The following DNAAF11 variants were observed in gnomAD, a reference collection of about 807,000 sequenced individuals.
DNAAF11 encodes the protein dynein axonemal assembly factor 11.
Under a neutral mutation model 60.8 loss-of-function variants are expected in DNAAF11, and 45 were observed. The ratio of observed to expected loss-of-function variants is 0.74; its 90% CI spans 0.58 to 0.95. The LOEUF (loss-of-function observed/expected upper bound fraction) is 0.95. Ranked by LOEUF, DNAAF11 falls within the 40% of genes least tolerant of loss-of-function variation. DNAAF11 has a pLI of 0.00. For missense variants in DNAAF11, 546 were observed against 546.2 expected, an observed-to-expected ratio of 1.00 and a Z score of 0.00; for synonymous variants, 191 against 183.5, an observed-to-expected ratio of 1.04 and a Z score of -0.33.
chr8:132,575,895 G>A (rs1473488337), intron 11 of DNAAF11, among the ~76,000 whole-genome samples: 1 of 152,160 alleles, frequency 6.6e-6, no homozygotes, highest in Admixed American at 6.5e-5. Context: ...GGATGGCTGG[G>A]TAAGGTAATC....
intron 4 of DNAAF11, among the ~76,000 whole-genome samples, chr8:132,635,035 C>A (rs1352726542): frequency 1.3e-5 from 2 of 152,116 alleles, no homozygotes; most frequent in Non-Finnish European, 2.9e-5. Flanking sequence ...GACAACTGAA[C>A]CCTCTGTCAC....
At chr8:132,588,576 A>G (rs1378331528) in intron 10 of DNAAF11, among the ~76,000 whole-genome samples, 1 of 152,040 alleles carries the variant, frequency 6.6e-6, no homozygotes, top group Non-Finnish European at 1.5e-5. Flanking sequence ...GTTAAAATAC[A>G]TTGAAAAAAA....
intron 3 of DNAAF11, among the ~76,000 whole-genome samples, chr8:132,644,945 G>A (rs370039114): frequency 1.2e-4 from 19 of 152,282 alleles, no homozygotes; most frequent in African/African-American, 2.2e-4. Context: ...AAACTTCTGC[G>A]GACTTAAACG....
chr8:132,619,350 A>C (rs1364372211), intron 7 of DNAAF11, among the ~76,000 whole-genome samples: 1 of 152,126 alleles, frequency 6.6e-6, no homozygotes, highest in Non-Finnish European at 1.5e-5. Flanking sequence ...CTAATGTTAG[A>C]TGACGAGTTA....
intron 1 of DNAAF11, among the ~76,000 whole-genome samples, chr8:132,673,332 G>T (rs145837406): frequency 1.3e-5 from 2 of 152,268 alleles, no homozygotes; most frequent in East Asian, 3.9e-4. Context: ...ACAAGAGAAT[G>T]CAGGTAAAGC....
chr8:132,671,288 G>A (rs1825167877), intron 1 of DNAAF11, among the ~76,000 whole-genome samples: 1 of 152,048 alleles, frequency 6.6e-6, no homozygotes, highest in Non-Finnish European at 1.5e-5. Context: ...CACTTACAAT[G>A]GCATCAAAAA....
At chr8:132,645,535 A>G (rs891060379) in intron 3 of DNAAF11, among the ~76,000 whole-genome samples, 4 of 152,230 alleles carry the variant, frequency 2.6e-5, no homozygotes, top group Non-Finnish European at 2.9e-5. Context: ...CGGTAATAAC[A>G]AAATTCTCTG....
the DNAAF11 span, among the ~76,000 whole-genome samples, chr8:132,682,399 C>T: frequency 6.6e-6 from 1 of 152,208 alleles, no homozygotes; most frequent in African/African-American, 2.4e-5. Context: ...ACTCTCTGAA[C>T]CATTTCATCC....
chr8:132,596,850 C>T (rs1428667406), intron 10 of DNAAF11, among the ~76,000 whole-genome samples: 3 of 152,196 alleles, frequency 2.0e-5, no homozygotes, highest in African/African-American at 4.8e-5. Context: ...TTCCCAGCCT[C>T]GAAGGGACTG....
chr8:132,649,089 G>A (rs1307821165), intron 3 of DNAAF11, among the ~76,000 whole-genome samples: 1 of 152,150 alleles, frequency 6.6e-6, no homozygotes, highest in Non-Finnish European at 1.5e-5. Flanking sequence ...AACAAAGCTG[G>A]AGGCATCACA....
At position 132,661,456 on chromosome 8, in the gene DNAAF11, T is replaced by G; in HGVS notation, c.178+4A>C. ...AACCATGAGAACTAAGTACTGAAAC[T>G]TACCAATTTTCCCAATAAGATTATT... On this transcript the variant is annotated splice_donor_region_variant and intron_variant, in intron 2 of 11. Coordinates refer to ENST00000620350, the MANE Select transcript of DNAAF11 (RefSeq NM_012472.6). 1 of 1,610,116 alleles carries G rather than the reference T, an allele frequency of 6.2e-7. No individual in the cohort carries two copies. The highest frequency in any genetic ancestry group is 8.5e-7 in the Non-Finnish European group (1 of 1,177,584).
At chr8:132,607,199 T>C (rs1356789706) in intron 10 of DNAAF11, among the ~76,000 whole-genome samples, 1 of 152,222 alleles carries the variant, frequency 6.6e-6, no homozygotes, top group Non-Finnish European at 1.5e-5. Flanking sequence ...CTTTATGAGA[T>C]GGCCAGAGTA....
intron 1 of DNAAF11, among the ~76,000 whole-genome samples, chr8:132,672,291 A>T (rs1825263104): frequency 6.6e-6 from 1 of 152,212 alleles, no homozygotes; most frequent in Admixed American, 6.5e-5. Context: ...ATCTTCTCTA[A>T]ATCACAACAC....
At chr8:132,639,429 T>C (rs779105342) in intron 3 of DNAAF11, among the ~76,000 whole-genome samples, 4 of 151,606 alleles carry the variant, frequency 2.6e-5, no homozygotes, top group Non-Finnish European at 1.5e-5. Flanking sequence ...CCATTATCAT[T>C]TCTTATTATA....
chr8:132,695,790 A>T, the DNAAF11 span, among the ~76,000 whole-genome samples: 1 of 152,176 alleles, frequency 6.6e-6, no homozygotes, highest in Non-Finnish European at 1.5e-5. Context: ...AAGCTGAATA[A>T]TAGTTAGAGT....
chr8:132,661,391 A>G, intron 2 of DNAAF11, 69 bp downstream of exon 2: 1 of 1,283,378 alleles, frequency 7.8e-7, no homozygotes, highest in Non-Finnish European at 1.1e-6. Context: ...TAAAAATAAC[A>G]CAGCACTTTC....
chr8:132,619,725 T>A (rs2130200988), intron 7 of DNAAF11, among the ~76,000 whole-genome samples: 3 of 152,278 alleles, frequency 2.0e-5, no homozygotes, highest in Admixed American at 2.0e-4. Flanking sequence ...TTAATTTTGT[T>A]TAAGACAAAG....
intron 5 of DNAAF11, among the ~76,000 whole-genome samples, chr8:132,630,012 CT>C (rs1820648204): frequency 6.6e-6 from 1 of 152,158 alleles, no homozygotes; most frequent in African/African-American, 2.4e-5. Context: ...ATAAATAGAG[CT>C]CTTCCAAGGT....
At chr8:132,586,288 A>G (rs1029001631) in intron 10 of DNAAF11, among the ~76,000 whole-genome samples, 1 of 152,210 alleles carries the variant, frequency 6.6e-6, no homozygotes, top group African/African-American at 2.4e-5. Context: ...GTATCTCAAT[A>G]GGTCTGGTGG....
Sources: gnomAD v4.1 joint callset for allele counts (sites outside exome capture counted in the v4.1 genomes callset) on GRCh38, gnomAD v4.1.1 for gene constraint, MANE v1.5 for transcripts, NCBI Gene and HGNC (gene_info 2026-07-23, HGNC 2026-07-21) for gene names.